LOC128462377: variants seen among roughly 807,000 people sequenced by gnomAD.
chr16:89,384,387 T>A, the LOC128462377 span, among the ~76,000 whole-genome samples: 1 of 151,944 alleles, frequency 6.6e-6, no homozygotes, highest in Non-Finnish European at 1.5e-5. Context: ...AAAAATTAGC[T>A]AGGCGTAGTG....
At chr16:89,405,842 C>T in the LOC128462377 span, among the ~76,000 whole-genome samples, 1 of 152,142 alleles carries the variant, frequency 6.6e-6, no homozygotes, top group African/African-American at 2.4e-5. Flanking sequence ...CCCAACTTAG[C>T]TCCAGCAAGA....
the LOC128462377 span, chr16:89,373,441 A>ACGCCAGCAC: frequency 6.6e-6 from 1 of 152,452 alleles, no homozygotes; most frequent in African/African-American, 2.4e-5. Context: ...CTCTCCAGCC[A>ACGCCAGCAC]CGCCAGCACC....
At chr16:89,380,729 A>T in the LOC128462377 span, among the ~76,000 whole-genome samples, 1 of 152,246 alleles carries the variant, frequency 6.6e-6, no homozygotes, top group Non-Finnish European at 1.5e-5. Context: ...AAGAGAAGTG[A>T]GCAAAGGCAG....
At chr16:89,388,784 C>T in the LOC128462377 span, among the ~76,000 whole-genome samples, 3 of 152,198 alleles carry the variant, frequency 2.0e-5, no homozygotes, top group African/African-American at 7.2e-5. Flanking sequence ...TCCCTGTCCG[C>T]AGCCCTGGGA....
At chr16:89,373,404 G>A in the LOC128462377 span, 2 of 152,468 alleles carry the variant, frequency 1.3e-5, no homozygotes, top group Non-Finnish European at 2.9e-5. Flanking sequence ...TCCACCGGGG[G>A]CAACCCCAAC....
the LOC128462377 span, among the ~76,000 whole-genome samples, chr16:89,347,598 G>A: frequency 3.7e-5 from 5 of 133,494 alleles, no homozygotes; most frequent in African/African-American, 5.7e-5. Context: ...GCGACAGAGC[G>A]AGACTCCGTA....
the LOC128462377 span, among the ~76,000 whole-genome samples, chr16:89,330,407 C>T: frequency 2.6e-5 from 4 of 152,048 alleles, no homozygotes; most frequent in East Asian, 5.8e-4. Context: ...GCCGCTCGCA[C>T]ACCGGGAGGG....
At chr16:89,392,459 A>G in the LOC128462377 span, 1 of 152,118 alleles carries the variant, frequency 6.6e-6, no homozygotes, top group Non-Finnish European at 1.5e-5. Context: ...CGATGGAAAT[A>G]AGAAAAACAA....
chr16:89,330,311 G>A, the LOC128462377 span, among the ~76,000 whole-genome samples: 1 of 152,118 alleles, frequency 6.6e-6, no homozygotes, highest in Non-Finnish European at 1.5e-5. Context: ...GCTTCTGGGT[G>A]GGTGGGAAGG....
chr16:89,394,363 T>G, the LOC128462377 span, among the ~76,000 whole-genome samples: 1 of 152,278 alleles, frequency 6.6e-6, no homozygotes, highest in East Asian at 1.9e-4. Flanking sequence ...GCACAGTGGC[T>G]CCCGCCCGTA....
chr16:89,398,375 G>A, the LOC128462377 span, among the ~76,000 whole-genome samples: 3,586 of 69,896 alleles, frequency 0.051, 410 homozygotes, highest in African/African-American at 0.17. Context: ...CATGAGGGAC[G>A]CTGTGAAACA....
At chr16:89,346,447 CAAT>C in the LOC128462377 span, among the ~76,000 whole-genome samples, 1 of 152,082 alleles carries the variant, frequency 6.6e-6, no homozygotes, top group African/African-American at 2.4e-5. Context: ...GAAAATAACA[CAAT>C]AATCACGCAA....
chr16:89,349,134 TAAAA>T, the LOC128462377 span, among the ~76,000 whole-genome samples: 24 of 16,580 alleles, frequency 1.4e-3, no homozygotes, highest in Non-Finnish European at 1.5e-3. Flanking sequence ...TCTCAAAAAG[TAAAA>T]AAAAAAAAAA....
At chr16:89,342,878 G>C in the LOC128462377 span, among the ~76,000 whole-genome samples, 1 of 152,198 alleles carries the variant, frequency 6.6e-6, no homozygotes, top group South Asian at 2.1e-4. Context: ...GCAAAGGAGT[G>C]GGAAAGGGAC....
At chr16:89,347,070 G>T in the LOC128462377 span, among the ~76,000 whole-genome samples, 1 of 152,152 alleles carries the variant, frequency 6.6e-6, no homozygotes. Context: ...GCCAGCTAAA[G>T]GGGGTGACTG....
At chr16:89,377,315 G>C in the LOC128462377 span, among the ~76,000 whole-genome samples, 1 of 152,114 alleles carries the variant, frequency 6.6e-6, no homozygotes, top group African/African-American at 2.4e-5. Flanking sequence ...ATGACACCAT[G>C]AAAGATGCCA....
At chr16:89,362,541 A>T in the LOC128462377 span, among the ~76,000 whole-genome samples, 38 of 152,392 alleles carry the variant, frequency 2.5e-4, no homozygotes, top group East Asian at 7.3e-3. Flanking sequence ...CACACATCTC[A>T]GCTGTGTAAA....
chr16:89,415,266 T>C, the LOC128462377 span, among the ~76,000 whole-genome samples: 1 of 138,554 alleles, frequency 7.2e-6, no homozygotes, highest in Non-Finnish European at 1.6e-5. Flanking sequence ...CTATTCTTTT[T>C]TTTTTTTTTT....
At chr16:89,364,704 A>C in the LOC128462377 span, among the ~76,000 whole-genome samples, 4 of 152,230 alleles carry the variant, frequency 2.6e-5, no homozygotes, top group East Asian at 7.7e-4. Flanking sequence ...GTTGGGCCAC[A>C]TTCAAAGCTG....
Sources: gnomAD v4.1 joint callset for allele counts (sites outside exome capture counted in the v4.1 genomes callset) on GRCh38, gnomAD v4.1.1 for gene constraint, MANE v1.5 for transcripts.